Variants in PCDH9 observed in about 807,000 individuals in gnomAD.
PCDH9 encodes protocadherin-9.
PCDH9 carries 24 observed loss-of-function variants against 70.6 expected under a neutral mutation model. The observed-to-expected ratio is 0.34, with a 90% confidence interval of 0.25 to 0.48. The LOEUF is 0.48. Ranked by LOEUF, PCDH9 falls within the 20% of genes least tolerant of loss-of-function variation. The pLI is 0.99. For synonymous variants in PCDH9, 562 were observed against 558.5 expected, an observed-to-expected ratio of 1.01 and a Z score of -0.09; for missense variants, 1,281 against 1,503.6, an observed-to-expected ratio of 0.85 and a Z score of 2.45.
rs193106761 is a variant in PCDH9 at position 66,980,975 on chromosome 13, T to C, written c.3037-77370A>G. ...TATATTCATTTTATCATAGTCAGCCTTTGTGCAATGCTTATTAAAGTAAGC... is the reference window on the plus strand; with the variant it reads ...TATATTCATTTTATCATAGTCAGCCCTTGTGCAATGCTTATTAAAGTAAGC... On this transcript the variant is annotated intron_variant, in intron 2 of 4. Transcript: ENST00000377865. Among the ~76,000 whole-genome samples, 183 of 152,248 alleles carry C rather than the reference T, an allele frequency of 1.2e-3. 1 individual carries two copies. The highest frequency in any genetic ancestry group is 4.3e-3 in the African/African-American group (177 of 41,560).
chr13:66,348,556 C>T (rs966073376), intron 4 of PCDH9, among the ~76,000 whole-genome samples: 1 of 152,064 alleles, frequency 6.6e-6, no homozygotes, highest in Non-Finnish European at 1.5e-5. Context: ...CGCCACCACA[C>T]CTGGCTAATT....
chr13:66,539,731 T>C (rs1307550237), intron 4 of PCDH9, among the ~76,000 whole-genome samples: 1 of 152,122 alleles, frequency 6.6e-6, no homozygotes, highest in Non-Finnish European at 1.5e-5. Context: ...TGCATTATTT[T>C]TGTAAACACA....
At chr13:66,420,817 C>G (rs1957553715) in intron 4 of PCDH9, among the ~76,000 whole-genome samples, 1 of 152,056 alleles carries the variant, frequency 6.6e-6, no homozygotes, top group Non-Finnish European at 1.5e-5. Flanking sequence ...GGGAGTAAAA[C>G]TGGATGGAGA....
chr13:67,221,614 G>A (rs1227791343), intron 2 of PCDH9: 2 of 152,044 alleles, frequency 1.3e-5, no homozygotes, highest in Non-Finnish European at 2.9e-5. Flanking sequence ...CTTACAGACT[G>A]TTTTACTACT....
intron 2 of PCDH9, among the ~76,000 whole-genome samples, chr13:67,146,386 A>G (rs1290819216): frequency 1.3e-5 from 2 of 152,212 alleles, no homozygotes; most frequent in Non-Finnish European, 2.9e-5. Context: ...AATGAAGAAT[A>G]TCACATATAT....
chr13:66,716,138 A>T (rs763718824), intron 3 of PCDH9, among the ~76,000 whole-genome samples: 1 of 152,214 alleles, frequency 6.6e-6, no homozygotes, highest in Admixed American at 6.5e-5. Flanking sequence ...CTGATTTCTG[A>T]TTGTTTTTAA....
At chr13:67,163,365 G>A (rs2088015519) in intron 2 of PCDH9, among the ~76,000 whole-genome samples, 1 of 152,172 alleles carries the variant, frequency 6.6e-6, no homozygotes, top group South Asian at 2.1e-4. Context: ...AGTTCTTTGA[G>A]AAGATAGATC....
chr13:66,787,049 A>G (rs1203881700), intron 3 of PCDH9, among the ~76,000 whole-genome samples: 1 of 152,216 alleles, frequency 6.6e-6, no homozygotes, highest in Non-Finnish European at 1.5e-5. Context: ...ACAAAAATTT[A>G]GTCAAAAAAC....
At chr13:66,626,092 G>C (rs1221211933) in intron 4 of PCDH9, among the ~76,000 whole-genome samples, 1 of 152,090 alleles carries the variant, frequency 6.6e-6, no homozygotes, top group Admixed American at 6.5e-5. Context: ...GAGGCAAAAA[G>C]AAAATAGAGG....
At chr13:66,339,336 C>A (rs1956088009) in intron 4 of PCDH9, among the ~76,000 whole-genome samples, 1 of 151,952 alleles carries the variant, frequency 6.6e-6, no homozygotes, top group Non-Finnish European at 1.5e-5. Flanking sequence ...GGCAGATGAG[C>A]CCTTTCTCTT....
chr13:66,388,061 T>C (rs1956959704), intron 4 of PCDH9, among the ~76,000 whole-genome samples: 1 of 152,230 alleles, frequency 6.6e-6, no homozygotes, highest in Admixed American at 6.5e-5. Context: ...AGGGTGATTA[T>C]TGCAAACATA....
At chr13:66,695,655 T>C (rs1269401686) in intron 3 of PCDH9, among the ~76,000 whole-genome samples, 1 of 152,160 alleles carries the variant, frequency 6.6e-6, no homozygotes, top group Non-Finnish European at 1.5e-5. Flanking sequence ...ATAGCTTCTC[T>C]TTTCCTAACT....
intron 2 of PCDH9, among the ~76,000 whole-genome samples, chr13:67,074,330 A>G (rs894778342): frequency 3.3e-5 from 5 of 152,062 alleles, no homozygotes; most frequent in African/African-American, 1.2e-4. Context: ...GACACAACAG[A>G]TATCTATGAC....
intron 3 of PCDH9, among the ~76,000 whole-genome samples, chr13:66,724,824 C>T (rs1426549397): frequency 6.6e-6 from 1 of 152,162 alleles, no homozygotes; most frequent in East Asian, 1.9e-4. Flanking sequence ...GCCCACACTT[C>T]CCTACCTGCC....
At chr13:67,072,367 C>G (rs2085783571) in intron 2 of PCDH9, among the ~76,000 whole-genome samples, 1 of 152,128 alleles carries the variant, frequency 6.6e-6, no homozygotes, top group Non-Finnish European at 1.5e-5. Flanking sequence ...TTTAGAACAG[C>G]CTTTGCTGAG....
intron 2 of PCDH9, among the ~76,000 whole-genome samples, chr13:66,929,192 AAC>A (rs1594272849): frequency 6.6e-6 from 1 of 152,070 alleles, no homozygotes; most frequent in Non-Finnish European, 1.5e-5. Flanking sequence ...TTAGTCAATT[AAC>A]ACAGAATAAA....
chr13:66,852,122 T>C (rs1311058887), intron 3 of PCDH9, among the ~76,000 whole-genome samples: 2 of 152,074 alleles, frequency 1.3e-5, no homozygotes, highest in South Asian at 4.1e-4. Flanking sequence ...ATAGTCACAC[T>C]GGGGGTCAAG....
chr13:66,771,959 G>A (rs1027349925), intron 3 of PCDH9, among the ~76,000 whole-genome samples: 3 of 152,166 alleles, frequency 2.0e-5, no homozygotes, highest in Non-Finnish European at 4.4e-5. Flanking sequence ...ACAACAACAA[G>A]CTCAAACGTA....
chr13:66,967,169 T>C (rs1175249038), intron 2 of PCDH9, among the ~76,000 whole-genome samples: 1 of 151,778 alleles, frequency 6.6e-6, no homozygotes, highest in Non-Finnish European at 1.5e-5. Context: ...GAGAAAAAAA[T>C]CACTTAAAAT....
Sources: gnomAD v4.1 joint callset for allele counts (sites outside exome capture counted in the v4.1 genomes callset) on GRCh38, gnomAD v4.1.1 for gene constraint, MANE v1.5 for transcripts, NCBI Gene and HGNC (gene_info 2026-07-23, HGNC 2026-07-21) for gene names.